The following S100A9 variants were observed in gnomAD, a reference collection of about 807,000 sequenced individuals.
The protein encoded by S100A9 is S100 calcium binding protein A9, also known as protein S100-A9.
In S100A9, 2 loss-of-function variants were observed where a neutral mutation model predicts 4.3. The observed-to-expected ratio is 0.47, with a 90% confidence interval of 0.19 to 1.48. S100A9 has a LOEUF of 1.48. Ranked by LOEUF, S100A9 falls within the 40% of genes most tolerant of loss-of-function variation. The pLI is 0.24. For synonymous variants in S100A9, 67 were observed against 54.0 expected, an observed-to-expected ratio of 1.24 and a Z score of -1.06; for missense variants, 130 against 144.4, an observed-to-expected ratio of 0.90 and a Z score of 0.51.
At position 153,360,660 on chromosome 1, in the gene S100A9, A is replaced by C. The variant is rs1661431552; in HGVS notation, c.167A>C (p.Glu56Ala). The C allele has an allele frequency of 2.5e-6, 4 of 1,607,778 alleles. No individual in the cohort carries two copies. The highest frequency in any genetic ancestry group is 1.7e-5 in the Admixed American group (1 of 59,586). ...QNFLKKENKN[E>A]KVIEHIMEDL... Reference sequence around the variant, plus strand: ...CACCCGCAGAAGGAGAATAAGAATGAAAAGGTCATAGAACACATCATGGAG... The same window carrying C: ...CACCCGCAGAAGGAGAATAAGAATGCAAAGGTCATAGAACACATCATGGAG... Residue 56 changes from glutamate (E) to alanine (A), a missense_variant, in exon 3 of 3, where the codon GAA becomes GCA. Physicochemically the swap from Glu to Ala is moderately radical, Grantham distance 107 (BLOSUM62 -1). Coordinates refer to ENST00000368738, the MANE Select transcript of S100A9 (RefSeq NM_002965.4).
intron 2 of S100A9, among the ~76,000 whole-genome samples, chr1:153,359,080 C>G (rs1661399046): frequency 6.6e-6 from 1 of 152,070 alleles, no homozygotes; most frequent in African/African-American, 2.4e-5. Context: ...GAGGTTTTTC[C>G]CCCGCTCCAA....
intron 2 of S100A9, among the ~76,000 whole-genome samples, chr1:153,359,793 A>G (rs1265824605): frequency 6.8e-6 from 1 of 147,466 alleles, no homozygotes; most frequent in Non-Finnish European, 1.5e-5. Flanking sequence ...GGTTCAAGCG[A>G]TTCTCCTGCT....
Position 153,358,394 on chromosome 1 carries a change from C to T in S100A9, c.111C>T (p.Phe37=), listed in dbSNP as rs753137227. 1.2e-6 allele frequency: 2 copies of T among 1,612,870 alleles called. No homozygotes were observed. The highest frequency in any genetic ancestry group is 1.7e-6 in the Non-Finnish European group (2 of 1,179,272). The change falls in exon 2 of 3, where the codon TTC becomes TTT. Residue 37 remains phenylalanine, a synonymous_variant. Coordinates refer to ENST00000368738, the MANE Select transcript of S100A9 (RefSeq NM_002965.4). ...CAGACACCCTGAACCAGGGGGAATTCAAAGAGCTGGTGCGAAAAGATCTGC... is the reference window on the plus strand; with the variant it reads ...CAGACACCCTGAACCAGGGGGAATTTAAAGAGCTGGTGCGAAAAGATCTGC... ...GHPDTLNQGE[F]KELVRKDLQN... is the part of the protein sequence containing the mutation.
Position 153,360,760 on chromosome 1 carries a change from C to A in S100A9, c.267C>A (p.Ala89=). ...TGCTGATGGCGAGGCTAACCTGGGC[C>A]TCCCACGAGAAGATGCACGAGGGTG... ...FIMLMARLTW[A]SHEKMHEGDE... The change falls in exon 3 of 3, where the codon GCC becomes GCA. Residue 89 remains alanine, a synonymous_variant. Coordinates refer to ENST00000368738, the MANE Select transcript of S100A9 (RefSeq NM_002965.4). 6.2e-7 allele frequency: 1 copy of A among 1,614,176 alleles called. No homozygotes were observed.
Position 153,358,407 on chromosome 1 carries a change from C to T in S100A9, c.124C>T (p.Arg42Ter), listed in dbSNP as rs557481928. Residue 42 changes from arginine to a stop codon, truncating the protein, a stop_gained, in exon 2 of 3, where the codon CGA becomes TGA. Coordinates refer to ENST00000368738, the MANE Select transcript of S100A9 (RefSeq NM_002965.4). LOFTEE classifies it low-confidence loss of function (END_TRUNC). ...CCAGGGGGAATTCAAAGAGCTGGTG[C>T]GAAAAGATCTGCAAAATTTTCTCAA... ...LNQGEFKELVRKDLQNFLKKE... is the reference protein window; with the variant it reads ...LNQGEFKELV 2.5e-6 allele frequency: 4 copies of T among 1,610,934 alleles called. No individual in the cohort carries two copies. The highest frequency in any genetic ancestry group is 3.4e-6 in the Non-Finnish European group (4 of 1,178,308).
chr1:153,359,364 A>G (rs1207812570), intron 2 of S100A9, among the ~76,000 whole-genome samples: 1 of 152,160 alleles, frequency 6.6e-6, no homozygotes, highest in African/African-American at 2.4e-5. Flanking sequence ...TCAGGCAGGC[A>G]GGATGCTGGG....
At chr1:153,360,544 G>A in intron 2 of S100A9, 100 bp from the exon 3 acceptor site, 1 of 766,102 alleles carries the variant, frequency 1.3e-6, no homozygotes, top group South Asian at 1.7e-5. Flanking sequence ...GCCCCAGGGT[G>A]AGGCTTCCCT....
In S100A9 at chr1:153,360,669, T is replaced by A; in HGVS notation, c.176T>A (p.Ile59Lys). The change falls in exon 3 of 3, where the codon ATA (isoleucine) becomes AAA (lysine). Residue 59 changes from isoleucine to lysine, a missense_variant. By Grantham distance (102) the Ile-to-Lys change is moderately radical. Coordinates refer to ENST00000368738, the MANE Select transcript of S100A9 (RefSeq NM_002965.4). ...AAGGAGAATAAGAATGAAAAGGTCA[T>A]AGAACACATCATGGAGGACCTGGAC... Reference protein sequence around the residue: ...LKKENKNEKVIEHIMEDLDTN... With the variant: ...LKKENKNEKVKEHIMEDLDTN... The A allele has an allele frequency of 6.2e-7, 1 of 1,613,496 alleles. No homozygotes were observed. The highest frequency in any genetic ancestry group is 8.5e-7 in the Non-Finnish European group (1 of 1,179,604).
intron 2 of S100A9, among the ~76,000 whole-genome samples, chr1:153,359,241 A>T (rs1201029428): frequency 6.6e-6 from 1 of 152,122 alleles, no homozygotes; most frequent in Non-Finnish European, 1.5e-5. Flanking sequence ...CCGGAGCCAG[A>T]CATCCTGGGG....
intron 1 of S100A9, 50 bp from the exon 2 acceptor site, chr1:153,358,219 T>G: frequency 7.6e-7 from 1 of 1,314,252 alleles, no homozygotes; most frequent in Non-Finnish European, 1.0e-6. Context: ...CAAAGAAGCT[T>G]GACAGCATTT....
chr1:153,358,448 T>C lies in S100A9; in HGVS notation c.150+15T>C. The C allele has an allele frequency of 6.3e-7, 1 of 1,584,422 alleles. No homozygotes were observed. On this transcript the variant is annotated intron_variant, in intron 2 of 2. Coordinates refer to ENST00000368738, the MANE Select transcript of S100A9 (RefSeq NM_002965.4). ...ATTTTCTCAAGGTAGGGCTGGACTC[T>C]GGCAGGTCTGACCCAGCCTCACCGC...
chr1:153,357,914 C>G (rs970361007), intron 1 of S100A9, 33 bp downstream of exon 1: 1 of 159,632 alleles, frequency 6.3e-6, no homozygotes, highest in Admixed American at 6.4e-5. Context: ...CAGGCAGAAG[C>G]CTGCCTGCCG....
rs1055403483 is a variant in S100A9, at chr1:153,361,017, C to T, written c.*179C>T. 1.7e-6 allele frequency: 1 copy of T among 585,152 alleles called. No homozygotes were observed. Among genetic ancestry groups the T allele is most frequent in the Non-Finnish European group, 3.0e-6 (1 of 329,570 alleles). 36.2% of individuals were successfully genotyped at this position (585,152 alleles called of 1,614,324 possible). ...GGGCTGGGGCCAAATAAAGTCTCTT[C>T]CTCCAAGTCAGTGCTCTGTGTGCTT... On this transcript the variant is annotated 3_prime_UTR_variant, in exon 3 of 3. Coordinates refer to ENST00000368738, the MANE Select transcript of S100A9 (RefSeq NM_002965.4).
chr1:153,358,339 T>C lies in S100A9; in HGVS notation c.56T>C (p.Phe19Ser). ...AACATAGAGACCATCATCAACACCT[T>C]CCACCAATACTCTGTGAAGCTGGGG... Reference protein sequence around the residue: ...ERNIETIINTFHQYSVKLGHP... With the variant: ...ERNIETIINTSHQYSVKLGHP... Residue 19 changes from phenylalanine (F) to serine (S), a missense_variant, in exon 2 of 3, where the codon TTC (phenylalanine) becomes TCC (serine). Transcript: ENST00000368738. The C allele has an allele frequency of 1.9e-6, 3 of 1,612,892 alleles. No individual in the cohort carries two copies. The highest frequency in any genetic ancestry group is 2.5e-6 in the Non-Finnish European group (3 of 1,179,098).
At chr1:153,360,615 C>T (rs1234568344) in intron 2 of S100A9, 29 bp from the exon 3 acceptor site, 2 of 1,530,660 alleles carry the variant, frequency 1.3e-6, no homozygotes, top group East Asian at 2.3e-5. Flanking sequence ...CCACACCCAG[C>T]TCTCACAGCC....
chr1:153,358,352 T>A lies in S100A9; in HGVS notation c.69T>A (p.Ser23=), dbSNP rs1270296792. The part of the protein sequence containing the change: ...ETIINTFHQY[S]VKLGHPDTLN... ...TCATCAACACCTTCCACCAATACTCTGTGAAGCTGGGGCACCCAGACACCC... is the reference window on the plus strand; with the variant it reads ...TCATCAACACCTTCCACCAATACTCAGTGAAGCTGGGGCACCCAGACACCC... Residue 23 remains serine, a synonymous_variant, in exon 2 of 3, where the codon TCT becomes TCA. Coordinates refer to ENST00000368738, the MANE Select transcript of S100A9 (RefSeq NM_002965.4). 7.4e-6 allele frequency: 12 copies of A among 1,613,206 alleles called. No homozygotes were observed. The highest frequency in any genetic ancestry group is 1.0e-5 in the Non-Finnish European group (12 of 1,179,478).
chr1:153,360,281 A>G (rs773896137), intron 2 of S100A9, among the ~76,000 whole-genome samples: 4 of 152,262 alleles, frequency 2.6e-5, no homozygotes, highest in Admixed American at 6.5e-5. Context: ...ACTGGTTTCA[A>G]GTCTTCCTCC....
At chr1:153,360,591 G>A in intron 2 of S100A9, 53 bp from the exon 3 acceptor site, 2 of 1,256,704 alleles carry the variant, frequency 1.6e-6, no homozygotes, top group Non-Finnish European at 2.3e-6. Flanking sequence ...TGTGCTCCCA[G>A]TCCCCACCTC....
intron 2 of S100A9, among the ~76,000 whole-genome samples, chr1:153,360,426 C>G (rs1481910985): frequency 6.6e-6 from 1 of 152,178 alleles, no homozygotes; most frequent in Non-Finnish European, 1.5e-5. Context: ...AATCAGCACC[C>G]AAGTCACAGG....
Sources: allele counts gnomAD v4.1 joint callset (sites outside exome capture counted in the v4.1 genomes callset), GRCh38; gene constraint gnomAD v4.1.1; transcripts MANE v1.5; gene names NCBI Gene and HGNC (gene_info 2026-07-23, HGNC 2026-07-21).